The following SLC28A2 variants were observed in gnomAD, a reference collection of about 807,000 sequenced individuals.
The protein encoded by SLC28A2 is solute carrier family 28 member 2, also known as sodium/nucleoside cotransporter 2.
SLC28A2 carries 69 observed loss-of-function variants against 72.9 expected under a neutral mutation model. The ratio of observed to expected loss-of-function variants is 0.95; its 90% CI spans 0.78 to 1.16. The LOEUF is 1.16. SLC28A2 is among the 50% of genes most tolerant of loss of function. The pLI, the probability that SLC28A2 is intolerant of heterozygous loss-of-function variation, is 0.00. For missense variants in SLC28A2, 745 were observed against 791.1 expected (o/e 0.94, Z 0.70); for synonymous variants, 296 against 294.1 (o/e 1.01, Z -0.07).
chr15:45,267,008 C>G (rs974050128), intron 10 of SLC28A2, among the ~76,000 whole-genome samples: 8 of 152,098 alleles, frequency 5.3e-5, no homozygotes, highest in African/African-American at 1.9e-4. Flanking sequence ...AACATTATTT[C>G]TTTTGATCCA....
intron 3 of SLC28A2, among the ~76,000 whole-genome samples, chr15:45,260,623 G>A (rs753653388): frequency 2.6e-5 from 4 of 152,222 alleles, no homozygotes; most frequent in South Asian, 2.1e-4. Flanking sequence ...TTAGCTGGGC[G>A]TGGTGGTGCA....
chr15:45,275,370 T>G, intron 17 of SLC28A2, 26 bp from the exon 18 acceptor site: 1 of 1,356,874 alleles, frequency 7.4e-7, no homozygotes, highest in Non-Finnish European at 1.1e-6. Context: ...TGACCCCTTA[T>G]GTACCTCTCT....
rs1900785741 is a variant in SLC28A2, at chr15:45,277,555, T to A, written c.*2042T>A. The A allele has an allele frequency of 6.6e-6, 1 of 150,822 alleles. No individual in the cohort carries two copies. The highest frequency in any genetic ancestry group is 2.1e-4 in the South Asian group (1 of 4,776). The allele number at this position is 150,822 out of a possible 1,614,324, so 9.3% of individuals were successfully genotyped here. A position where few individuals can be genotyped will look rare whatever the true frequency, so the allele number is the denominator to read the frequency against. On this transcript the variant is annotated 3_prime_UTR_variant, in exon 18 of 18. Transcript: ENST00000347644. ...CGAAAACATGCTAAACGAAAGAAGC[T>A]AGACACAAAAGTCTTATTATTGCAT...
intron 10 of SLC28A2, 51 bp from the exon 11 acceptor site, chr15:45,267,404 C>T: frequency 6.2e-7 from 1 of 1,608,732 alleles, no homozygotes; most frequent in South Asian, 1.1e-5. Context: ...GGCACACTGG[C>T]ATGGGGAGTT....
chr15:45,262,117 G>A lies in SLC28A2; in HGVS notation c.262+11G>A. ...GCCTGTTGTGTTTGGGTGAGATATTGAGAATTCATGAAAGTGAGAAACACA... is the reference window on the plus strand; with the variant it reads ...GCCTGTTGTGTTTGGGTGAGATATTAAGAATTCATGAAAGTGAGAAACACA... On this transcript the variant is annotated intron_variant, in intron 4 of 17. Transcript: ENST00000347644. The A allele has an allele frequency of 6.4e-7, 1 of 1,559,302 alleles. No individual in the cohort carries two copies. Among genetic ancestry groups the A allele is most frequent in the African/African-American group, 1.3e-5 (1 of 74,422 alleles).
intron 10 of SLC28A2, among the ~76,000 whole-genome samples, 153 bp downstream of exon 10, chr15:45,266,314 ACT>A (rs1482750320): frequency 2.6e-5 from 4 of 152,010 alleles, no homozygotes; most frequent in Admixed American, 2.0e-4. Context: ...CTCAAAGAAG[ACT>A]CTGCTCATTG....
intron 13 of SLC28A2, 61 bp downstream of exon 13, chr15:45,268,439 T>C: frequency 7.1e-7 from 1 of 1,404,556 alleles, no homozygotes; most frequent in Non-Finnish European, 9.7e-7. Flanking sequence ...CCTTCAAACA[T>C]GCATGTCCAA....
In SLC28A2 at chr15:45,266,068, T is replaced by C; in HGVS notation, c.862-13T>C. On this transcript the variant is annotated splice_polypyrimidine_tract_variant and intron_variant, in intron 9 of 17. Transcript: ENST00000347644. ...TGCTAACATTAATGGTTTAGGTTTCTGTATTCTTCTAGGTCGCCTGGTTTT... is the reference window on the plus strand; with the variant it reads ...TGCTAACATTAATGGTTTAGGTTTCCGTATTCTTCTAGGTCGCCTGGTTTT... 1 of 1,586,826 alleles carries C rather than the reference T, an allele frequency of 6.3e-7. No homozygotes were observed.
At chr15:45,258,301 T>C (rs546564777) in intron 3 of SLC28A2, among the ~76,000 whole-genome samples, 3 of 152,058 alleles carry the variant, frequency 2.0e-5, no homozygotes, top group Non-Finnish European at 2.9e-5. Flanking sequence ...TGGGACTGCA[T>C]GCCATAGTTT....
chr15:45,262,701 A>G (rs1448862442), intron 4 of SLC28A2, among the ~76,000 whole-genome samples: 1 of 152,184 alleles, frequency 6.6e-6, no homozygotes, highest in Non-Finnish European at 1.5e-5. Context: ...TGGGGTAATA[A>G]AGTTTCAAGG....
chr15:45,261,909 C>T, intron 3 of SLC28A2, 106 bp from the exon 4 acceptor site: 1 of 780,002 alleles, frequency 1.3e-6, no homozygotes, highest in Non-Finnish European at 2.3e-6. Flanking sequence ...TCTTCATTGA[C>T]TAAGAGCTAA....
In SLC28A2 at chr15:45,263,049, TTC is replaced by T. The variant is rs772067693; in HGVS notation, c.263-8_263-7del. On this transcript the variant is annotated splice_polypyrimidine_tract_variant and intron_variant, in intron 4 of 17. Coordinates refer to ENST00000347644, the MANE Select transcript of SLC28A2 (RefSeq NM_004212.4). ...GCCTTGCTGATCTTTACTCTGCTTCTTCTCTTTTTAGCCTATGCTGCCTATCT... is the reference window on the plus strand; with the variant it reads ...GCCTTGCTGATCTTTACTCTGCTTCTTCTTTTTAGCCTATGCTGCCTATCT... The T allele has an allele frequency of 6.2e-7, 1 of 1,606,930 alleles. No individual in the cohort carries two copies. Among genetic ancestry groups the T allele is most frequent in the East Asian group, 2.2e-5 (1 of 44,814 alleles).
At chr15:45,262,917 C>A (rs1900204931) in intron 4 of SLC28A2, 144 bp from the exon 5 acceptor site, 2 of 630,442 alleles carry the variant, frequency 3.2e-6, no homozygotes, top group Non-Finnish European at 5.5e-6. Context: ...TCAAGAAGTG[C>A]AGTTCTGTCT....
Position 45,253,683 on chromosome 15 carries a change from A to T in SLC28A2, c.170+163A>T, listed in dbSNP as rs951621692. ...CTTAAACATGTGCCATAAACTCCATAAAAAAAAAGGAGTTCAGCAGTATCA... is the reference window on the plus strand; with the variant it reads ...CTTAAACATGTGCCATAAACTCCATTAAAAAAAAGGAGTTCAGCAGTATCA... On this transcript the variant is annotated intron_variant, in intron 3 of 17. Coordinates refer to ENST00000347644, the MANE Select transcript of SLC28A2 (RefSeq NM_004212.4). The T allele has an allele frequency of 3.3e-5, 16 of 484,204 alleles. No homozygotes were observed. The Admixed American group carries it at 4.0e-4, about 12-fold the overall frequency. 30.0% of individuals were successfully genotyped at this position (484,204 alleles called of 1,614,324 possible). A position where few individuals can be genotyped will look rare whatever the true frequency, so the allele number is the denominator to read the frequency against.
intron 17 of SLC28A2, among the ~76,000 whole-genome samples, chr15:45,273,608 T>C (rs1417140099): frequency 6.6e-6 from 1 of 152,214 alleles, no homozygotes; most frequent in Admixed American, 6.5e-5. Context: ...AACACTGGCA[T>C]GATCAACTAT....
intron 3 of SLC28A2, among the ~76,000 whole-genome samples, chr15:45,259,895 G>A (rs1459693027): frequency 6.6e-6 from 1 of 152,120 alleles, no homozygotes; most frequent in African/African-American, 2.4e-5. Flanking sequence ...ATCTACTCTT[G>A]GACTAGTCCA....
At chr15:45,252,869 G>A (rs568849502) in intron 1 of SLC28A2, among the ~76,000 whole-genome samples, 1 of 152,250 alleles carries the variant, frequency 6.6e-6, no homozygotes, top group East Asian at 1.9e-4. Flanking sequence ...TTTCTTTGAG[G>A]GTCCAAGTAG....
Position 45,253,491 on chromosome 15 carries a change from GGATGGACTGGGC to G in SLC28A2, c.142_153del (p.Asp48_Gly51del), listed in dbSNP as rs755475339. 112 of 1,613,514 alleles carry G rather than the reference GGATGGACTGGGC, an allele frequency of 6.9e-5. No homozygotes were observed. The South Asian group carries it at 1.2e-3, about 17-fold the overall frequency. ...CTGACGCACAAGGACACAGCCTGGG[GGATGGACTGGGC>G]CCTTCCACTTACCAGAGGTACTGGT... On this transcript the variant is annotated inframe_deletion, in exon 3 of 18. Transcript: ENST00000347644.
rs1224633199 is a variant in SLC28A2, at chr15:45,276,904, TGTA to T, written c.*1395_*1397del. 1.3e-5 allele frequency: 2 copies of T among 152,192 alleles called. No homozygotes were observed. The highest frequency in any genetic ancestry group is 2.9e-5 in the Non-Finnish European group (2 of 68,024). The allele number at this position is 152,192 out of a possible 1,614,324, so 9.4% of individuals were successfully genotyped here. ...CATTTCTTAAAGGCCATTACTTTGT[TGTA>T]GTATTCTGCTTTAGTGCTAGCCACA... On this transcript the variant is annotated 3_prime_UTR_variant, in exon 18 of 18. Transcript: ENST00000347644.
Sources: gnomAD v4.1 joint callset for allele counts (sites outside exome capture counted in the v4.1 genomes callset) on GRCh38, gnomAD v4.1.1 for gene constraint, MANE v1.5 for transcripts, NCBI Gene and HGNC (gene_info 2026-07-23, HGNC 2026-07-21) for gene names.